Variants in HMGCLL1 observed in about 807,000 individuals in gnomAD.
HMGCLL1 encodes the protein 3-hydroxy-3-methylglutaryl-CoA lyase like 1, also known as 3-hydroxymethyl-3-methylglutaryl-CoA lyase, cytoplasmic.
HMGCLL1 carries 36 observed loss-of-function variants against 39.1 expected under a neutral mutation model. The observed-to-expected ratio is 0.92, with a 90% CI of 0.71 to 1.22. HMGCLL1 has a LOEUF of 1.22. Ranked by LOEUF, HMGCLL1 falls within the 50% of genes most tolerant of loss-of-function variation. HMGCLL1 has a pLI of 0.00. For missense variants in HMGCLL1, 451 were observed against 416.5 expected (o/e 1.08, Z -0.72); for synonymous variants, 149 against 144.0 (o/e 1.03, Z -0.25).
At chr6:55,650,112 T>C in the HMGCLL1 span, among the ~76,000 whole-genome samples, 755 of 76,782 alleles carry the variant, frequency 9.8e-3, 49 homozygotes, top group African/African-American at 0.045. Context: ...TATATATATA[T>C]ATATATATAT....
the HMGCLL1 span, among the ~76,000 whole-genome samples, chr6:55,617,626 C>A: frequency 6.6e-6 from 1 of 152,088 alleles, no homozygotes; most frequent in Non-Finnish European, 1.5e-5. Flanking sequence ...TCTTATTAAA[C>A]ACCGTTGGTT....
the HMGCLL1 span, among the ~76,000 whole-genome samples, chr6:55,618,245 A>G: frequency 6.6e-6 from 1 of 151,914 alleles, no homozygotes; most frequent in Admixed American, 6.6e-5. Context: ...GGGAGATATT[A>G]TGTGGGCATT....
the HMGCLL1 span, among the ~76,000 whole-genome samples, chr6:55,599,866 T>G: frequency 6.6e-6 from 1 of 152,198 alleles, no homozygotes; most frequent in African/African-American, 2.4e-5. Flanking sequence ...TGGTGAATGT[T>G]TGCTTAAAGG....
the HMGCLL1 span, among the ~76,000 whole-genome samples, chr6:55,585,939 T>G: frequency 9.9e-5 from 15 of 152,102 alleles, no homozygotes; most frequent in Admixed American, 9.8e-4. Context: ...CATATCTATT[T>G]TAATTAGAGG....
intron 1 of HMGCLL1, among the ~76,000 whole-genome samples, chr6:55,567,809 C>T (rs944644727): frequency 1.3e-5 from 2 of 152,236 alleles, no homozygotes; most frequent in East Asian, 1.9e-4. Context: ...GCCCTGCTAG[C>T]GTCGGAGTGC....
intron 7 of HMGCLL1, among the ~76,000 whole-genome samples, chr6:55,458,857 C>T (rs12196282): frequency 0.28 from 42,125 of 151,872 alleles, 7,266 homozygotes; most frequent in Non-Finnish European, 0.36. Flanking sequence ...ATGAGTAAAC[C>T]ACATGTACTA....
At chr6:55,591,377 CTT>C in the HMGCLL1 span, among the ~76,000 whole-genome samples, 1 of 151,936 alleles carries the variant, frequency 6.6e-6, no homozygotes, top group African/African-American at 2.4e-5. Context: ...AGGGTTTAAA[CTT>C]TAGTTCTAGG....
At chr6:55,670,691 A>C in the HMGCLL1 span, among the ~76,000 whole-genome samples, 1 of 151,808 alleles carries the variant, frequency 6.6e-6, no homozygotes, top group Non-Finnish European at 1.5e-5. Context: ...CCACTATAAA[A>C]CATTGTAAAA....
upstream of HMGCLL1, among the ~76,000 whole-genome samples, chr6:55,584,058 A>G (rs983738963): frequency 6.6e-6 from 1 of 152,050 alleles, no homozygotes; most frequent in Non-Finnish European, 1.5e-5. Flanking sequence ...GTACTCTTCC[A>G]TTTGGTGCTT....
the HMGCLL1 span, among the ~76,000 whole-genome samples, chr6:55,619,903 A>C: frequency 6.6e-6 from 1 of 152,082 alleles, no homozygotes; most frequent in Non-Finnish European, 1.5e-5. Flanking sequence ...TCAATTGCCT[A>C]AATTTTTAGT....
At chr6:55,438,939 A>C (rs1763479709) in intron 8 of HMGCLL1, among the ~76,000 whole-genome samples, 1 of 152,012 alleles carries the variant, frequency 6.6e-6, no homozygotes, top group African/African-American at 2.4e-5. Flanking sequence ...CAAAGAGACT[A>C]TTCTTGCCAT....
At chr6:55,654,331 A>C in the HMGCLL1 span, among the ~76,000 whole-genome samples, 1 of 150,610 alleles carries the variant, frequency 6.6e-6, no homozygotes, top group African/African-American at 2.4e-5. Context: ...TATATTATAT[A>C]AATATGTATT....
intron 5 of HMGCLL1, among the ~76,000 whole-genome samples, chr6:55,508,812 A>G (rs1767296687): frequency 6.6e-6 from 1 of 151,906 alleles, no homozygotes. Flanking sequence ...TAGGGACACC[A>G]CTAACTTTCT....
At chr6:55,590,176 A>C in the HMGCLL1 span, among the ~76,000 whole-genome samples, 1 of 152,304 alleles carries the variant, frequency 6.6e-6, no homozygotes, top group African/African-American at 2.4e-5. Context: ...CAGTAACCAA[A>C]ACAGCATGGT....
intron 3 of HMGCLL1, among the ~76,000 whole-genome samples, chr6:55,526,677 G>A (rs1768340197): frequency 6.6e-6 from 1 of 151,872 alleles, no homozygotes; most frequent in South Asian, 2.1e-4. Flanking sequence ...AATGGTAAAA[G>A]CACATTTACT....
At chr6:55,597,877 G>A in the HMGCLL1 span, among the ~76,000 whole-genome samples, 1 of 152,208 alleles carries the variant, frequency 6.6e-6, no homozygotes, top group South Asian at 2.1e-4. Flanking sequence ...ATAGAGTTGA[G>A]ATCTGTATAT....
At chr6:55,445,256 T>C (rs1473504054) in intron 7 of HMGCLL1, among the ~76,000 whole-genome samples, 1 of 152,002 alleles carries the variant, frequency 6.6e-6, no homozygotes, top group Non-Finnish European at 1.5e-5. Flanking sequence ...GTTATCCTTA[T>C]ACTAAATTAT....
chr6:55,455,628 C>G (rs760096473), intron 7 of HMGCLL1, among the ~76,000 whole-genome samples: 2 of 152,074 alleles, frequency 1.3e-5, no homozygotes, highest in Non-Finnish European at 2.9e-5. Context: ...ATTATGTGGT[C>G]AAGAAAGTAG....
At chr6:55,667,029 T>C in the HMGCLL1 span, among the ~76,000 whole-genome samples, 1,547 of 151,770 alleles carry the variant, frequency 0.01, 15 homozygotes, top group Middle Eastern at 0.017. Flanking sequence ...TTGCCCGGCC[T>C]TCTTAACTTT....
Sources: gnomAD v4.1 joint callset for allele counts (sites outside exome capture counted in the v4.1 genomes callset) on GRCh38, gnomAD v4.1.1 for gene constraint, MANE v1.5 for transcripts, NCBI Gene and HGNC (gene_info 2026-07-23, HGNC 2026-07-21) for gene names.